The following FRMD5 variants were observed in gnomAD, a reference collection of about 807,000 sequenced individuals.
FRMD5 encodes the protein FERM domain containing 5, also known as FERM domain-containing protein 5.
FRMD5 carries 20 observed loss-of-function variants against 69.0 expected under a neutral mutation model. The observed-to-expected ratio is 0.29, with a 90% CI of 0.20 to 0.42. The LOEUF is 0.42. Among genes scored for constraint, FRMD5 ranks in the 10% least tolerant of loss-of-function variants. FRMD5 has a pLI of 1.00. For missense variants in FRMD5, 595 were observed against 708.6 expected, an observed-to-expected ratio of 0.84 and a Z score of 1.82; for synonymous variants, 271 against 260.1, an observed-to-expected ratio of 1.04 and a Z score of -0.40.
At chr15:43,916,092 TA>T (rs1322048536) in intron 4 of FRMD5, among the ~76,000 whole-genome samples, 1 of 152,290 alleles carries the variant, frequency 6.6e-6, no homozygotes, top group East Asian at 1.9e-4. Context: ...AACTGCATAC[TA>T]GGTAAAGAAC....
intron 1 of FRMD5, among the ~76,000 whole-genome samples, chr15:43,953,938 T>A (rs961021167): frequency 3.3e-5 from 5 of 152,206 alleles, no homozygotes; most frequent in African/African-American, 1.2e-4. Flanking sequence ...AGATGTTAAA[T>A]GACTGCCTGA....
chr15:43,887,959 C>T (rs1047854797), intron 10 of FRMD5, among the ~76,000 whole-genome samples: 2 of 152,180 alleles, frequency 1.3e-5, no homozygotes, highest in South Asian at 2.1e-4. Context: ...CTTTCTTAAC[C>T]GAAGAAAACA....
chr15:43,928,589 C>T (rs1006228132), intron 1 of FRMD5, among the ~76,000 whole-genome samples: 44 of 152,194 alleles, frequency 2.9e-4, no homozygotes, highest in African/African-American at 1.1e-3. Flanking sequence ...TTGTGGATCC[C>T]CTTGCACTTC....
At chr15:43,888,946 G>T in intron 8 of FRMD5, 74 bp from the exon 9 acceptor site, 1 of 1,313,118 alleles carries the variant, frequency 7.6e-7, no homozygotes, top group Non-Finnish European at 1.1e-6. Flanking sequence ...TAGATGCACA[G>T]CCCACCCCAA....
In FRMD5 at chr15:43,919,807, A is replaced by G. The variant is rs1245624051; in HGVS notation, c.210T>C (p.His70=). Residue 70 remains histidine, a splice_region_variant and synonymous_variant, in exon 3 of 14, where the codon CAT becomes CAC. Transcript: ENST00000417257. ...CCACAGACTTTGTAAATTCCAGCCA[A>G]TGCTGAAACAGAGAACACAGAACAT... ...IRFVDPDKQR[H]WLEFTKSVVK... is the part of the protein sequence containing the mutation. 2.5e-6 allele frequency: 4 copies of G among 1,613,678 alleles called. No individual in the cohort carries two copies. The African/African-American group carries it at 4.0e-5, about 16-fold the overall frequency.
intron 1 of FRMD5, among the ~76,000 whole-genome samples, chr15:44,059,167 CAACAG>C (rs956002661): frequency 9.2e-5 from 14 of 152,146 alleles, no homozygotes; most frequent in Non-Finnish European, 2.1e-4. Flanking sequence ...TTATTCAACT[CAACAG>C]AACATTTTGG....
intron 1 of FRMD5, among the ~76,000 whole-genome samples, chr15:44,100,567 C>G (rs1566945993): frequency 6.6e-6 from 1 of 152,156 alleles, no homozygotes. Flanking sequence ...ACAAGCTGCT[C>G]CTCTGAACTA....
intron 1 of FRMD5, among the ~76,000 whole-genome samples, chr15:44,151,742 A>C (rs1566972952): frequency 6.6e-6 from 1 of 152,188 alleles, no homozygotes; most frequent in Non-Finnish European, 1.5e-5. Context: ...AAAGAAAAAA[A>C]AGTTTGGACT....
chr15:44,044,851 T>G (rs554065511), intron 1 of FRMD5, among the ~76,000 whole-genome samples: 1 of 152,156 alleles, frequency 6.6e-6, no homozygotes, highest in East Asian at 1.9e-4. Context: ...CCATGGCACA[T>G]GTATACCTAT....
At chr15:44,163,150 G>A (rs1377879378) in intron 1 of FRMD5, among the ~76,000 whole-genome samples, 2 of 152,276 alleles carry the variant, frequency 1.3e-5, no homozygotes, top group East Asian at 3.9e-4. Flanking sequence ...CTCCAGCCTG[G>A]GCGACAGAGC....
At chr15:44,071,851 G>A (rs1044561834) in intron 1 of FRMD5, among the ~76,000 whole-genome samples, 3 of 152,028 alleles carry the variant, frequency 2.0e-5, no homozygotes, top group Non-Finnish European at 2.9e-5. Flanking sequence ...ACAAGTGCTT[G>A]TATACAAAAA....
At chr15:44,100,046 TC>T (rs2076614933) in intron 1 of FRMD5, among the ~76,000 whole-genome samples, 1 of 146,590 alleles carries the variant, frequency 6.8e-6, no homozygotes, top group Non-Finnish European at 1.5e-5. Context: ...CTTCTTCTTC[TC>T]TTTTTTTTTT....
intron 1 of FRMD5, among the ~76,000 whole-genome samples, chr15:44,002,692 G>T (rs1890265097): frequency 6.6e-6 from 1 of 152,134 alleles, no homozygotes; most frequent in Non-Finnish European, 1.5e-5. Context: ...TCCATACAAT[G>T]TCTGGAATCT....
chr15:43,927,935 T>TC (rs889040798), intron 1 of FRMD5, among the ~76,000 whole-genome samples: 1 of 152,160 alleles, frequency 6.6e-6, no homozygotes, highest in Non-Finnish European at 1.5e-5. Context: ...CAACTCATTC[T>TC]CATGGGCTGC....
chr15:44,079,043 A>C (rs578170966), intron 1 of FRMD5, among the ~76,000 whole-genome samples: 1 of 152,280 alleles, frequency 6.6e-6, no homozygotes, highest in Admixed American at 6.5e-5. Flanking sequence ...TGACATTCAG[A>C]TATATAGAGA....
chr15:44,051,819 A>G (rs1892679803), intron 1 of FRMD5, among the ~76,000 whole-genome samples: 1 of 152,122 alleles, frequency 6.6e-6, no homozygotes, highest in Admixed American at 6.5e-5. Context: ...AGGTTTTTAT[A>G]AGGAGGAAGA....
At chr15:44,036,895 A>G (rs1013631275) in intron 1 of FRMD5, among the ~76,000 whole-genome samples, 2 of 152,140 alleles carry the variant, frequency 1.3e-5, no homozygotes, top group African/African-American at 4.8e-5. Flanking sequence ...GGTTCTGGTA[A>G]AGGACTCTAA....
At chr15:44,078,586 A>G (rs977007354) in intron 1 of FRMD5, among the ~76,000 whole-genome samples, 1 of 152,184 alleles carries the variant, frequency 6.6e-6, no homozygotes, top group Non-Finnish European at 1.5e-5. Context: ...ACAGACATAT[A>G]GACCAAAGGA....
rs151146344 is a variant in FRMD5, at chr15:44,053,359, T to A, written c.103-129050A>T. On this transcript the variant is annotated intron_variant, in intron 1 of 13. Transcript: ENST00000417257. ...AAGTTCATTAGAGTTTTAAGGAGGG[T>A]GGGATGGGTAGTGACATCTTGAAAT... Among the ~76,000 whole-genome samples, 445 of 152,022 alleles carry A rather than the reference T, an allele frequency of 2.9e-3. 2 individuals carry two copies. Among genetic ancestry groups the A allele is most frequent in the African/African-American group, 0.01 (423 of 41,424 alleles).
Sources: allele counts gnomAD v4.1 joint callset (sites outside exome capture counted in the v4.1 genomes callset), GRCh38; gene constraint gnomAD v4.1.1; transcripts MANE v1.5; gene names NCBI Gene and HGNC (gene_info 2026-07-23, HGNC 2026-07-21).